The following OTUD7A variants were observed in gnomAD, a reference collection of about 807,000 sequenced individuals.
OTUD7A encodes OTU deubiquitinase 7A.
OTUD7A carries 12 observed loss-of-function variants against 65.7 expected under a neutral mutation model. That is an observed-to-expected ratio of 0.18 (90% CI 0.12 to 0.30). The LOEUF is 0.30. OTUD7A is among the 10% of genes least tolerant of loss of function. The probability of loss-of-function intolerance (pLI) is 1.00; values close to 1 mark genes in which losing one functional copy is unlikely to be tolerated. For synonymous variants in OTUD7A, 641 were observed against 586.3 expected (o/e 1.09, Z -1.35); for missense variants, 1,148 against 1,304.8 (o/e 0.88, Z 1.85).
intron 3 of OTUD7A, among the ~76,000 whole-genome samples, chr15:31,613,998 C>A (rs1890508649): frequency 6.6e-6 from 1 of 152,122 alleles, no homozygotes; most frequent in Non-Finnish European, 1.5e-5. Context: ...AAGGCATTCG[C>A]AGCAACCTGG....
intron 10 of OTUD7A, among the ~76,000 whole-genome samples, chr15:31,495,787 C>T (rs760040749): frequency 2.6e-5 from 4 of 152,234 alleles, no homozygotes; most frequent in Non-Finnish European, 2.9e-5. Context: ...TCTTGCTGGC[C>T]GGGCGTAGTG....
chr15:31,820,580 T>G (rs1292226825), intron 1 of OTUD7A, among the ~76,000 whole-genome samples: 2 of 152,190 alleles, frequency 1.3e-5, no homozygotes, highest in African/African-American at 4.8e-5. Flanking sequence ...TCCTCATGCA[T>G]GGATACCTAT....
At chr15:31,751,351 C>T (rs753469392) in intron 1 of OTUD7A, among the ~76,000 whole-genome samples, 7 of 152,058 alleles carry the variant, frequency 4.6e-5, no homozygotes, top group Non-Finnish European at 7.4e-5. Context: ...AAATGCATGC[C>T]GAAACCACAA....
At chr15:31,688,285 A>C (rs1251615984) in intron 1 of OTUD7A, among the ~76,000 whole-genome samples, 4 of 152,054 alleles carry the variant, frequency 2.6e-5, no homozygotes, top group African/African-American at 9.7e-5. Context: ...GAACAAACTT[A>C]TCACCATGAG....
intron 3 of OTUD7A, among the ~76,000 whole-genome samples, chr15:31,610,612 TATA>T (rs1339225091): frequency 2.1e-3 from 104 of 48,706 alleles, no homozygotes; most frequent in Admixed American, 6.6e-3. Flanking sequence ...TATATATATA[TATA>T]TATTTTTTTT....
intron 1 of OTUD7A, among the ~76,000 whole-genome samples, chr15:31,808,140 C>CACACACACACA (rs1272100227): frequency 7.1e-6 from 1 of 140,300 alleles, no homozygotes. Context: ...CACACACAAA[C>CACACACACACA]AAATCCTCAC....
chr15:31,748,078 T>C (rs1894527491), intron 1 of OTUD7A, among the ~76,000 whole-genome samples: 1 of 152,152 alleles, frequency 6.6e-6, no homozygotes. Context: ...AGATCCTGGA[T>C]TGAACCCTGG....
At chr15:31,697,597 T>G (rs1367884845) in intron 1 of OTUD7A, among the ~76,000 whole-genome samples, 1 of 151,756 alleles carries the variant, frequency 6.6e-6, no homozygotes, top group Non-Finnish European at 1.5e-5. Flanking sequence ...GAAAAGATTC[T>G]TCTACCTGAC....
chr15:31,850,755 G>C (rs960216479), intron 1 of OTUD7A, among the ~76,000 whole-genome samples: 1 of 151,996 alleles, frequency 6.6e-6, no homozygotes, highest in Non-Finnish European at 1.5e-5. Flanking sequence ...GCCACTTAAG[G>C]CTCCAAAACC....
At chr15:31,687,835 T>C (rs574354694) in intron 1 of OTUD7A, among the ~76,000 whole-genome samples, 5 of 152,194 alleles carry the variant, frequency 3.3e-5, no homozygotes, top group Non-Finnish European at 7.3e-5. Context: ...CTAAGATCAC[T>C]GGATGAAAAT....
intron 1 of OTUD7A, among the ~76,000 whole-genome samples, chr15:31,662,208 T>C (rs1265338243): frequency 6.6e-6 from 1 of 152,226 alleles, no homozygotes; most frequent in Non-Finnish European, 1.5e-5. Context: ...CTTTTATTCA[T>C]TCTTTATTTA....
intron 1 of OTUD7A, chr15:31,768,217 C>T (rs1353813387): frequency 7.9e-6 from 8 of 1,011,010 alleles, no homozygotes; most frequent in South Asian, 5.1e-5. Flanking sequence ...TGTCAGCGTC[C>T]GGTGGCATCC....
chr15:31,519,479 T>C (rs185508391), intron 8 of OTUD7A, among the ~76,000 whole-genome samples: 4 of 152,348 alleles, frequency 2.6e-5, no homozygotes, highest in Admixed American at 2.6e-4. Flanking sequence ...CTCAACAAAC[T>C]AGGCATAGAA....
At chr15:31,789,715 TTTTTTTTTTTGAGAC>T (rs1317405986) in intron 1 of OTUD7A, among the ~76,000 whole-genome samples, 1 of 151,560 alleles carries the variant, frequency 6.6e-6, no homozygotes, top group African/African-American at 2.4e-5. Flanking sequence ...CCTTTTTTTT[TTTTTTTTTTTGAGAC>T]CGAGTTTCAC....
chr15:31,524,576 A>G (rs149849200), intron 8 of OTUD7A, among the ~76,000 whole-genome samples: 3 of 148,206 alleles, frequency 2.0e-5, no homozygotes, highest in Non-Finnish European at 3.0e-5. Flanking sequence ...CGTTCCCCCA[A>G]CACCACCCAT....
intron 8 of OTUD7A, among the ~76,000 whole-genome samples, chr15:31,512,342 G>A: frequency 6.6e-6 from 1 of 152,164 alleles, no homozygotes; most frequent in East Asian, 1.9e-4. Context: ...AGGAGGGACT[G>A]GAGACCACCC....
intron 5 of OTUD7A, among the ~76,000 whole-genome samples, chr15:31,531,704 C>T (rs1487442652): frequency 6.6e-6 from 1 of 152,104 alleles, no homozygotes; most frequent in African/African-American, 2.4e-5. Context: ...TAGTGAGAAG[C>T]CTAGACTTCC....
At chr15:31,825,091 A>G (rs1415290961) in intron 1 of OTUD7A, among the ~76,000 whole-genome samples, 1 of 152,208 alleles carries the variant, frequency 6.6e-6, no homozygotes, top group Non-Finnish European at 1.5e-5. Context: ...CTACCTACCT[A>G]TGTTCCTAAC....
rs181332203 is a variant in OTUD7A at position 31,478,254 on chromosome 15, T to A, written c.*5040A>T. 4 of 152,368 alleles carry A rather than the reference T, an allele frequency of 2.6e-5. No homozygotes were observed. Among genetic ancestry groups the A allele is most frequent in the Admixed American group, 2.0e-4 (3 of 15,310 alleles). 9.4% of individuals were successfully genotyped at this position (152,368 alleles called of 1,614,324 possible). A position where few individuals can be genotyped will look rare whatever the true frequency, so the allele number is the denominator to read the frequency against. Reference sequence around the variant, plus strand: ...AGCTGGTTTCACTCATTTGTCCTCATTAAATAGGTTGCTTTGGTCTTGAAT... The same window carrying A: ...AGCTGGTTTCACTCATTTGTCCTCAATAAATAGGTTGCTTTGGTCTTGAAT... On this transcript the variant is annotated 3_prime_UTR_variant, in exon 13 of 13. Transcript: ENST00000307050.
Sources: gnomAD v4.1 joint callset for allele counts (sites outside exome capture counted in the v4.1 genomes callset) on GRCh38, gnomAD v4.1.1 for gene constraint, MANE v1.5 for transcripts, NCBI Gene and HGNC (gene_info 2026-07-23, HGNC 2026-07-21) for gene names.